Variants in PPFIA1 observed in about 807,000 individuals in gnomAD.
The protein encoded by PPFIA1 is liprin-alpha-1.
In PPFIA1, 25 loss-of-function variants were observed where a neutral mutation model predicts 149.9. The observed-to-expected ratio is 0.17, with a 90% CI of 0.12 to 0.23. The LOEUF (loss-of-function observed/expected upper bound fraction) is 0.23. Ranked by LOEUF, PPFIA1 falls within the 10% of genes least tolerant of loss-of-function variation. PPFIA1 has a pLI of 1.00. For synonymous variants in PPFIA1, 549 were observed against 552.8 expected (o/e 0.99, Z 0.10); for missense variants, 1,362 against 1,506.5 (o/e 0.90, Z 1.59).
At chr11:70,377,999 G>A in intron 25 of PPFIA1, 31 bp from the exon 26 acceptor site, 1 of 1,531,438 alleles carries the variant, frequency 6.5e-7, no homozygotes, top group South Asian at 1.2e-5. Context: ...TTTTTTAAAT[G>A]AATCTTGTTT....
intron 2 of PPFIA1, among the ~76,000 whole-genome samples, chr11:70,286,683 T>TC (rs1203876144): frequency 6.6e-6 from 1 of 151,672 alleles, no homozygotes; most frequent in Non-Finnish European, 1.5e-5. Flanking sequence ...CCGGGTTGAC[T>TC]CCCATGGCCC....
At chr11:70,320,787 A>G (rs1277293406) in intron 2 of PPFIA1, among the ~76,000 whole-genome samples, 1 of 152,142 alleles carries the variant, frequency 6.6e-6, no homozygotes, top group Non-Finnish European at 1.5e-5. Flanking sequence ...ATCTAAGGCA[A>G]TTCTCTGCTA....
intron 21 of PPFIA1, among the ~76,000 whole-genome samples, chr11:70,369,556 A>T (rs923030484): frequency 2.0e-5 from 3 of 152,110 alleles, no homozygotes; most frequent in African/African-American, 7.2e-5. Flanking sequence ...ATTTATGTTG[A>T]TAAATGTTTG....
intron 2 of PPFIA1, among the ~76,000 whole-genome samples, chr11:70,318,863 T>C (rs2053779380): frequency 6.6e-6 from 1 of 152,266 alleles, no homozygotes; most frequent in Non-Finnish European, 1.5e-5. Flanking sequence ...TCCTCATCCC[T>C]GATTGCTCCT....
Position 70,372,523 on chromosome 11 carries a change from G to A in PPFIA1, c.3088G>A (p.Asp1030Asn). 6.2e-7 allele frequency: 1 copy of A among 1,613,820 alleles called. No homozygotes were observed. The highest frequency in any genetic ancestry group is 1.1e-5 in the South Asian group (1 of 90,964). The change falls in exon 23 of 28, where the codon GAC (aspartate) becomes AAC (asparagine). Residue 1030 changes from aspartate (D) to asparagine (N), a missense_variant. Transcript: ENST00000253925. ...GIMCLRRLNY[D>N]RKELERKREE... ...TATGTGCCTGAGAAGGTTAAATTAT[G>A]ACCGGAAAGAACTGGAAAGAAAAAG...
chr11:70,382,169 A>G lies in PPFIA1; in HGVS notation c.*12+11A>G, dbSNP rs1305429064. On this transcript the variant is annotated intron_variant, in intron 27 of 27. Coordinates refer to ENST00000253925, the MANE Select transcript of PPFIA1 (RefSeq NM_003626.5). Reference sequence around the variant, plus strand: ...TAAAGTCTCCTGTTGGTGAGTAGAGAGCACCACAACCCCTAGAGATGGCTC... The same window carrying G: ...TAAAGTCTCCTGTTGGTGAGTAGAGGGCACCACAACCCCTAGAGATGGCTC... 7 of 1,607,622 alleles carry G rather than the reference A, an allele frequency of 4.4e-6. No individual in the cohort carries two copies. The highest frequency in any genetic ancestry group is 2.7e-5 in the African/African-American group (2 of 74,772).
intron 2 of PPFIA1, among the ~76,000 whole-genome samples, chr11:70,307,647 G>C (rs976532672): frequency 6.6e-5 from 10 of 152,184 alleles, no homozygotes; most frequent in Admixed American, 5.2e-4. Context: ...CTGTTAGGCT[G>C]GGTGTGATCG....
In PPFIA1 at chr11:70,342,936, C is replaced by CTTTTTTTTTT. The variant is rs71463672; in HGVS notation, c.1708-713_1708-704dup. Among the ~76,000 whole-genome samples the CTTTTTTTTTT allele has an allele frequency of 1.5e-4, 12 of 78,176 alleles. 3 individuals are homozygous for CTTTTTTTTTT. Among genetic ancestry groups the CTTTTTTTTTT allele is most frequent in the African/African-American group, 2.5e-4 (4 of 16,212 alleles). 51.3% of individuals were successfully genotyped at this position (78,176 alleles called of 152,430 possible). On this transcript the variant is annotated intron_variant, in intron 14 of 27. Transcript: ENST00000253925. ...TTGCAGCTATTTTGAAATGTACCAC[C>CTTTTTTTTTT]TTTTTTTTTTTTTTTTTTTTTTTTT...
At chr11:70,323,268 C>A (rs1215330695) in intron 2 of PPFIA1, among the ~76,000 whole-genome samples, 1 of 152,134 alleles carries the variant, frequency 6.6e-6, no homozygotes, top group East Asian at 1.9e-4. Flanking sequence ...CTCGTTTCTC[C>A]CTGAATGACG....
Position 70,339,167 on chromosome 11 carries a change from T to A in PPFIA1, c.1572-4T>A, listed in dbSNP as rs2137053090. 2 of 1,613,186 alleles carry A rather than the reference T, an allele frequency of 1.2e-6. No individual in the cohort carries two copies. Among genetic ancestry groups the A allele is most frequent in the East Asian group, 4.5e-5 (2 of 44,892 alleles). ...AATGATCATTCTTATTTTTCATGTT[T>A]CAGCCGACCCCACTTGGGCAGTGTC... On this transcript the variant is annotated splice_polypyrimidine_tract_variant and splice_region_variant and intron_variant, in intron 13 of 27. Coordinates refer to ENST00000253925, the MANE Select transcript of PPFIA1 (RefSeq NM_003626.5).
chr11:70,311,221 A>G (rs576356381), intron 2 of PPFIA1, among the ~76,000 whole-genome samples: 1 of 152,074 alleles, frequency 6.6e-6, no homozygotes, highest in South Asian at 2.1e-4. Flanking sequence ...AGGCAGGAGA[A>G]TCGCTGAACC....
chr11:70,333,659 TC>T, intron 10 of PPFIA1, 106 bp downstream of exon 10: 1 of 860,724 alleles, frequency 1.2e-6, no homozygotes, highest in Non-Finnish European at 1.9e-6. Flanking sequence ...ATGTTGGTCC[TC>T]CAGCTCAGTT....
chr11:70,309,969 A>G (rs1467552140), intron 2 of PPFIA1, among the ~76,000 whole-genome samples: 2 of 152,216 alleles, frequency 1.3e-5, no homozygotes, highest in African/African-American at 4.8e-5. Context: ...AAACCACTGA[A>G]TTGTACACTT....
At chr11:70,282,518 ATTTTTTTTTT>A (rs869216935) in intron 2 of PPFIA1, 24 of 71,464 alleles carry the variant, frequency 3.4e-4, no homozygotes, top group Admixed American at 9.5e-4. Context: ...TTGAGTGCTG[ATTTTTTTTTT>A]TTTTTTTTTT....
At chr11:70,288,950 G>A (rs897204867) in intron 2 of PPFIA1, among the ~76,000 whole-genome samples, 3 of 151,574 alleles carry the variant, frequency 2.0e-5, no homozygotes, top group Non-Finnish European at 2.9e-5. Flanking sequence ...CCACTGTCAC[G>A]GGGGTAGCAT....
chr11:70,334,429 T>C (rs1014658696), intron 10 of PPFIA1: 3 of 152,194 alleles, frequency 2.0e-5, no homozygotes, highest in African/African-American at 7.2e-5. Flanking sequence ...CGACTCCCAG[T>C]GAGAGGGTGC....
At position 70,330,264 on chromosome 11, in the gene PPFIA1, A is replaced by T; in HGVS notation, c.1022A>T (p.Asp341Val). 1.3e-6 allele frequency: 2 copies of T among 1,589,532 alleles called. No homozygotes were observed. The highest frequency in any genetic ancestry group is 1.7e-6 in the Non-Finnish European group (2 of 1,171,668). ...AAQREATSVH[D>V]LNDKLENEIA... ...CAGCGTGAAGCCACATCTGTGCATG[A>T]CCTCAATGATAAACTTGAAAATGAA... is the stretch of plus-strand genomic sequence containing the variant. The change falls in exon 8 of 28, where the codon GAC becomes GTC. Residue 341 changes from aspartate (D) to valine (V), a missense_variant. Around this residue, in one of 7 missense-constraint regions of PPFIA1, gnomAD observed 733 missense variants for 744.1 expected, o/e 0.99. Transcript: ENST00000253925.
intron 7 of PPFIA1, 199 bp downstream of exon 7, chr11:70,327,017 C>A: frequency 1.8e-6 from 1 of 560,726 alleles, no homozygotes; most frequent in Non-Finnish European, 3.1e-6. Context: ...GTGAAATCTC[C>A]TGTCCCTGAG....
intron 2 of PPFIA1, among the ~76,000 whole-genome samples, chr11:70,290,905 G>T (rs2051479952): frequency 6.6e-6 from 1 of 151,886 alleles, no homozygotes. Context: ...TCTTTTTTTT[G>T]AGACAGTTTC....
Sources: allele counts gnomAD v4.1 joint callset (sites outside exome capture counted in the v4.1 genomes callset), GRCh38; gene constraint gnomAD v4.1.1; regional missense constraint gnomAD v4.1.1; transcripts MANE v1.5; gene names NCBI Gene and HGNC (gene_info 2026-07-23, HGNC 2026-07-21).